CSPG4: variants seen among roughly 807,000 people sequenced by gnomAD.
The protein encoded by CSPG4 is chondroitin sulfate proteoglycan 4.
Under a neutral mutation model 139.3 loss-of-function variants are expected in CSPG4, and 74 were observed. That is an observed-to-expected ratio of 0.53 (90% confidence interval 0.44 to 0.64). The LOEUF (loss-of-function observed/expected upper bound fraction) is 0.64, where lower values mean the gene tolerates loss of function less well. CSPG4 is among the 30% of genes least tolerant of loss of function. The pLI is 0.00. For synonymous variants in CSPG4, 1,234 were observed against 1,394.2 expected (o/e 0.89, Z 2.56); for missense variants, 2,565 against 3,148.3 (o/e 0.81, Z 4.43).
intron 1 of CSPG4, among the ~76,000 whole-genome samples, chr15:75,709,618 T>C (rs1174594473): frequency 3.9e-5 from 6 of 152,194 alleles, no homozygotes; most frequent in Non-Finnish European, 8.8e-5. Context: ...TGCCCACATC[T>C]GTGTGCGCCA....
In CSPG4 at chr15:75,690,224, C is replaced by T. The variant is rs140241379; in HGVS notation, c.841G>A (p.Asp281Asn). 8.1e-6 allele frequency: 13 copies of T among 1,613,340 alleles called. No homozygotes were observed. The highest frequency in any genetic ancestry group is 6.7e-5 in the African/African-American group (5 of 75,046). ...VLLHNSVPVA[D>N]GQPHEVSVHI... Reference sequence around the variant, plus strand: ...ACACTGACCTCATGGGGCTGCCCATCGGCCACAGGCACACTGTTGTGGAGC... The same window carrying T: ...ACACTGACCTCATGGGGCTGCCCATTGGCCACAGGCACACTGTTGTGGAGC... Residue 281 changes from aspartate to asparagine, a missense_variant, in exon 3 of 10, where the codon GAT becomes AAT. Transcript: ENST00000308508.
At chr15:75,686,132 A>G (rs931794097) in intron 3 of CSPG4, among the ~76,000 whole-genome samples, 16 of 152,284 alleles carry the variant, frequency 1.1e-4, no homozygotes, top group African/African-American at 3.8e-4. Context: ...CCCACCCCAC[A>G]CACGGTTGCA....
Position 75,690,196 on chromosome 15 carries a change from T to A in CSPG4, c.869A>T (p.His290Leu), listed in dbSNP as rs1433480746. ...GATTTCCAGCCGGTGAGCATTGATG[T>A]GGACACTGACCTCATGGGGCTGCCC... The part of the protein sequence containing the change: ...ADGQPHEVSV[H>L]INAHRLEISV... Residue 290 changes from histidine to leucine, a missense_variant, in exon 3 of 10, where the codon CAC becomes CTC. His to Leu is a moderately conservative substitution (Grantham distance 99). Coordinates refer to ENST00000308508, the MANE Select transcript of CSPG4 (RefSeq NM_001897.5). The A allele has an allele frequency of 1.2e-6, 2 of 1,613,220 alleles. No individual in the cohort carries two copies. Among genetic ancestry groups the A allele is most frequent in the Non-Finnish European group, 1.7e-6 (2 of 1,179,902 alleles).
At position 75,688,810 on chromosome 15, in the gene CSPG4, G is replaced by A. The variant is rs372515114; in HGVS notation, c.2255C>T (p.Ala752Val). The change falls in exon 3 of 10, where the codon GCT (alanine) becomes GTT (valine). Residue 752 changes from alanine to valine, a missense_variant. Transcript: ENST00000308508. ...GGCCAGGTTCTCCACGGTGTCGTAAGCGTGGTGCTGTGGGTCAGTGCTCAG... is the reference window on the plus strand; with the variant it reads ...GGCCAGGTTCTCCACGGTGTCGTAAACGTGGTGCTGTGGGTCAGTGCTCAG... The part of the protein sequence containing the change: ...RYLSTDPQHH[A>V]YDTVENLALE... The A allele has an allele frequency of 1.2e-6, 2 of 1,612,798 alleles. No individual in the cohort carries two copies. Among genetic ancestry groups the A allele is most frequent in the Admixed American group, 3.3e-5 (2 of 60,004 alleles).
chr15:75,692,167 A>G (rs1018725757), intron 2 of CSPG4, among the ~76,000 whole-genome samples: 5 of 152,080 alleles, frequency 3.3e-5, no homozygotes, highest in African/African-American at 1.2e-4. Flanking sequence ...TATTTTTATT[A>G]GAGACACGGT....
intron 4 of CSPG4, 30 bp downstream of exon 4, chr15:75,685,188 TG>T: frequency 6.6e-7 from 1 of 1,509,658 alleles, no homozygotes; most frequent in Non-Finnish European, 8.8e-7. Context: ...AGAGCTGGGC[TG>T]CAGCCCCTGG....
intron 1 of CSPG4, among the ~76,000 whole-genome samples, chr15:75,701,366 C>T (rs1325377214): frequency 6.6e-6 from 1 of 152,122 alleles, no homozygotes; most frequent in Non-Finnish European, 1.5e-5. Context: ...GCTGTCCCAC[C>T]ACAGCAAGTC....
chr15:75,683,124 C>G, intron 5 of CSPG4, 83 bp from the exon 6 acceptor site: 1 of 1,368,678 alleles, frequency 7.3e-7, no homozygotes, highest in Admixed American at 1.9e-5. Context: ...CACCAGGGCT[C>G]CAGTCCTGCT....
chr15:75,682,745 G>A lies in CSPG4; in HGVS notation c.4649-4C>T. 3.1e-6 allele frequency: 5 copies of A among 1,612,618 alleles called. No individual in the cohort carries two copies. Among genetic ancestry groups the A allele is most frequent in the Non-Finnish European group, 3.4e-6 (4 of 1,179,838 alleles). The stretch of plus-strand genomic sequence containing the variant: ...CGGAAGCCTCCATCCAGGGTTCCTG[G>A]GGACAGGGGCATTGGGTCCAGCTGG... On this transcript the variant is annotated splice_polypyrimidine_tract_variant and splice_region_variant and intron_variant, in intron 6 of 9. Transcript: ENST00000308508.
intron 1 of CSPG4, among the ~76,000 whole-genome samples, chr15:75,699,116 G>T (rs1566977088): frequency 6.6e-6 from 1 of 152,216 alleles, no homozygotes; most frequent in African/African-American, 2.4e-5. Context: ...CTACCGAAAT[G>T]CGGACAACAG....
In CSPG4 at chr15:75,675,507, A is replaced by G; in HGVS notation, c.*43T>C. The G allele has an allele frequency of 2.8e-6, 4 of 1,440,694 alleles. No homozygotes were observed. Among genetic ancestry groups the G allele is most frequent in the Non-Finnish European group, 3.7e-6 (4 of 1,094,756 alleles). 89.2% of individuals were successfully genotyped at this position (1,440,694 alleles called of 1,614,324 possible). A position where few individuals can be genotyped will look rare whatever the true frequency, so the allele number is the denominator to read the frequency against. ...AGCAATGGGGCCCGGGACATGGGCA[A>G]GCCTGTCCCTGGCCCGATCAGCATC... is the stretch of plus-strand genomic sequence containing the variant. On this transcript the variant is annotated 3_prime_UTR_variant, in exon 10 of 10. Coordinates refer to ENST00000308508, the MANE Select transcript of CSPG4 (RefSeq NM_001897.5).
In CSPG4 at chr15:75,689,222, C is replaced by G; in HGVS notation, c.1843G>C (p.Glu615Gln). The G allele has an allele frequency of 6.2e-7, 1 of 1,609,506 alleles. No homozygotes were observed. Among genetic ancestry groups the G allele is most frequent in the Non-Finnish European group, 8.5e-7 (1 of 1,179,140 alleles). The stretch of plus-strand genomic sequence containing the variant: ...GCCTCCAACTCCCGGCAGGAGAACT[C>G]GGTCGCCGGCTCCCCAGGCTGGTCT... ...RRDQPGEPAT[E>Q]FSCRELEAGS... Residue 615 changes from glutamate (E) to glutamine (Q), a missense_variant, in exon 3 of 10, where the codon GAG becomes CAG. Around this residue, in one of 5 missense-constraint regions of CSPG4, gnomAD observed 2,316 missense variants for 2,818.2 expected, o/e 0.82. Transcript: ENST00000308508.
At chr15:75,706,561 T>C in intron 1 of CSPG4, among the ~76,000 whole-genome samples, 1 of 151,322 alleles carries the variant, frequency 6.6e-6, no homozygotes, top group Non-Finnish European at 1.5e-5. Context: ...CCCACAGAGA[T>C]GGAGGGCAGG....
intron 1 of CSPG4, among the ~76,000 whole-genome samples, chr15:75,704,839 C>G (rs1418464277): frequency 2.6e-5 from 4 of 152,210 alleles, no homozygotes; most frequent in Non-Finnish European, 2.9e-5. Flanking sequence ...ATGCAGCCAC[C>G]ACTGCTTATA....
intron 1 of CSPG4, among the ~76,000 whole-genome samples, chr15:75,701,112 A>T (rs962625413): frequency 2.0e-5 from 3 of 152,130 alleles, no homozygotes; most frequent in African/African-American, 7.2e-5. Context: ...AGCCCAGCAG[A>T]CTGGCAAGAG....
At position 75,698,401 on chromosome 15, in the gene CSPG4, A is replaced by G. The variant is rs563292124; in HGVS notation, c.89-5168T>C. Among the ~76,000 whole-genome samples, 1 of 151,688 alleles carries G rather than the reference A, an allele frequency of 6.6e-6. No homozygotes were observed. The highest frequency in any genetic ancestry group is 1.5e-5 in the Non-Finnish European group (1 of 67,920). ...ATGGACGGGCCAGGTGTGCTTCCCCAGCAGCGGACCCTCCCTGAGGTCACC... is the reference window on the plus strand; with the variant it reads ...ATGGACGGGCCAGGTGTGCTTCCCCGGCAGCGGACCCTCCCTGAGGTCACC... On this transcript the variant is annotated intron_variant, in intron 1 of 9. Coordinates refer to ENST00000308508, the MANE Select transcript of CSPG4 (RefSeq NM_001897.5). The surrounding 1 kb of genome is among the most constrained non-coding windows in gnomAD (Gnocchi z 4.3).
chr15:75,685,482 C>A lies in CSPG4; in HGVS notation c.4009G>T (p.Ala1337Ser). 6.2e-7 allele frequency: 1 copy of A among 1,611,900 alleles called. No homozygotes were observed. Among genetic ancestry groups the A allele is most frequent in the Non-Finnish European group, 8.5e-7 (1 of 1,179,834 alleles). Reference protein sequence around the residue: ...AWSDAFSLDVASGLGAPLEGV... With the variant: ...AWSDAFSLDVSSGLGAPLEGV... Reference sequence around the variant, plus strand: ...TCGAGGGGAGCACCCAGGCCTGAGGCCACATCCAGCGAGAAGGCATCGCTC... The same window carrying A: ...TCGAGGGGAGCACCCAGGCCTGAGGACACATCCAGCGAGAAGGCATCGCTC... Residue 1337 changes from alanine (A) to serine (S), a missense_variant, in exon 4 of 10, where the codon GCC becomes TCC. By Grantham distance (99) the Ala-to-Ser change is moderately conservative (BLOSUM62 1). Around this residue, in one of 5 missense-constraint regions of CSPG4, gnomAD observed 2,316 missense variants for 2,818.2 expected, o/e 0.82. Transcript: ENST00000308508.
Position 75,690,653 on chromosome 15 carries a change from C to T in CSPG4, c.412G>A (p.Ala138Thr), listed in dbSNP as rs754628628. The part of the protein sequence containing the change: ...FLNASSAVPG[A>T]PLEVPYGLFV... ...AGCCCATAGGGGACCTCTAGGGGGG[C>T]TCCTGGGACTGCTGAGGAGGCGTTC... The change falls in exon 3 of 10, where the codon GCC becomes ACC. Residue 138 changes from alanine to threonine, a missense_variant. Coordinates refer to ENST00000308508, the MANE Select transcript of CSPG4 (RefSeq NM_001897.5). The T allele has an allele frequency of 1.9e-6, 3 of 1,612,036 alleles. No homozygotes were observed. The East Asian group carries it at 6.7e-5, about 36-fold the overall frequency.
chr15:75,678,984 G>C (rs548620113), intron 8 of CSPG4: 39 of 343,516 alleles, frequency 1.1e-4, no homozygotes, highest in Non-Finnish European at 2.0e-4. Context: ...TCTCCTGGCT[G>C]GTCCTCCTCT....
Sources: gnomAD v4.1 joint callset for allele counts (sites outside exome capture counted in the v4.1 genomes callset) on GRCh38, gnomAD v4.1.1 for gene constraint, gnomAD v4.1.1 regional missense constraint, Gnocchi (gnomAD v3.1) non-coding constraint, MANE v1.5 for transcripts, NCBI Gene and HGNC (gene_info 2026-07-23, HGNC 2026-07-21) for gene names.